DRC9: variants seen among roughly 807,000 people sequenced by gnomAD.
DRC9 encodes dynein regulatory complex subunit 9.
chr3:197,912,215 T>G, the DRC9 span, among the ~76,000 whole-genome samples: 1 of 151,670 alleles, frequency 6.6e-6, no homozygotes, highest in South Asian at 2.1e-4. Context: ...ATTTTTGTAT[T>G]TTTTAATAGA....
At chr3:197,921,696 T>A in the DRC9 span, among the ~76,000 whole-genome samples, 1 of 150,970 alleles carries the variant, frequency 6.6e-6, no homozygotes, top group Non-Finnish European at 1.5e-5. Flanking sequence ...CTACTGGTTT[T>A]CAGTAACTCT....
the DRC9 span, chr3:197,960,152 G>T: frequency 4.4e-6 from 6 of 1,358,706 alleles, no homozygotes; most frequent in Non-Finnish European, 5.0e-6. Context: ...CTTTCCGCCG[G>T]CTGGGCCCTC....
the DRC9 span, among the ~76,000 whole-genome samples, chr3:197,941,289 TCTTTC>T: frequency 8.6e-6 from 1 of 116,854 alleles, no homozygotes; most frequent in African/African-American, 3.6e-5. Flanking sequence ...TCTCTTCCTT[TCTTTC>T]TTTTCCTCCC....
chr3:197,892,837 T>A, the DRC9 span: 1 of 1,551,716 alleles, frequency 6.4e-7, no homozygotes, highest in Non-Finnish European at 8.8e-7. Context: ...CTTATACGAG[T>A]TTCAAGATTA....
At chr3:197,924,826 TA>T in the DRC9 span, among the ~76,000 whole-genome samples, 1 of 152,220 alleles carries the variant, frequency 6.6e-6, no homozygotes, top group Non-Finnish European at 1.5e-5. Flanking sequence ...CCATCCTCTG[TA>T]ACTTTCTAAA....
chr3:197,958,858 G>A, the DRC9 span: 5 of 152,228 alleles, frequency 3.3e-5, no homozygotes, highest in African/African-American at 1.2e-4. Flanking sequence ...GAGTCCTGTG[G>A]TTTACAGGAA....
chr3:197,943,953 C>G, the DRC9 span: 1 of 1,614,084 alleles, frequency 6.2e-7, no homozygotes, highest in African/African-American at 1.3e-5. Flanking sequence ...TTTAGGTATT[C>G]CTTCTTCTTC....
chr3:197,956,715 AACCT>A, the DRC9 span: 1 of 150,282 alleles, frequency 6.7e-6, no homozygotes, highest in South Asian at 2.1e-4. Context: ...CCTCAACCTC[AACCT>A]CCTCGGCTCA....
chr3:197,917,789 G>A, the DRC9 span, among the ~76,000 whole-genome samples: 1 of 151,354 alleles, frequency 6.6e-6, no homozygotes, highest in African/African-American at 2.4e-5. Flanking sequence ...GGAGTGCAGT[G>A]GTGCGATCTT....
At chr3:197,914,904 C>T in the DRC9 span, among the ~76,000 whole-genome samples, 1 of 152,078 alleles carries the variant, frequency 6.6e-6, no homozygotes, top group Non-Finnish European at 1.5e-5. Context: ...GGGCTCACGC[C>T]TGTAATCCCA....
the DRC9 span, chr3:197,892,483 C>T: frequency 3.1e-6 from 3 of 969,756 alleles, no homozygotes; most frequent in East Asian, 7.3e-5. Flanking sequence ...CTACTGTGGC[C>T]TATTTGCCAC....
At chr3:197,933,841 C>T in the DRC9 span, among the ~76,000 whole-genome samples, 5 of 150,118 alleles carry the variant, frequency 3.3e-5, no homozygotes, top group African/African-American at 7.3e-5. Context: ...GATGGAGACT[C>T]GCTCTGTTAC....
chr3:197,959,851 A>C, the DRC9 span: 1 of 229,946 alleles, frequency 4.3e-6, no homozygotes, highest in Non-Finnish European at 8.6e-6. Flanking sequence ...TCACCTTTTC[A>C]TACAGAGGAC....
At chr3:197,947,928 C>CTTTT in the DRC9 span, among the ~76,000 whole-genome samples, 84 of 96,790 alleles carry the variant, frequency 8.7e-4, no homozygotes, top group African/African-American at 1.4e-3. Context: ...CCTGCTTTAC[C>CTTTT]TTTTTTTTTT....
the DRC9 span, chr3:197,894,444 T>C: frequency 3.3e-5 from 5 of 152,176 alleles, no homozygotes; most frequent in Admixed American, 2.6e-4. Flanking sequence ...GGTATAAACA[T>C]TGACTAACTC....
At chr3:197,913,484 C>A in the DRC9 span, 1 of 321,700 alleles carries the variant, frequency 3.1e-6, no homozygotes, top group Middle Eastern at 1.0e-3. Flanking sequence ...GCTCTCGATG[C>A]TGTATTTCTT....
chr3:197,949,467 G>A, the DRC9 span: 7 of 152,142 alleles, frequency 4.6e-5, no homozygotes, highest in Non-Finnish European at 1.0e-4. Context: ...CCAAAAAGAA[G>A]AATGGAGGTA....
chr3:197,946,859 C>T, the DRC9 span, among the ~76,000 whole-genome samples: 1 of 151,926 alleles, frequency 6.6e-6, no homozygotes. Context: ...TTTTTCTCTT[C>T]TTGCCTAGGC....
the DRC9 span, among the ~76,000 whole-genome samples, chr3:197,934,102 A>AT: frequency 2.2e-5 from 3 of 133,666 alleles, no homozygotes; most frequent in Admixed American, 1.5e-4. Flanking sequence ...CTATTTATTT[A>AT]TTTTTTTACA....
Sources: gnomAD v4.1 joint callset for allele counts (sites outside exome capture counted in the v4.1 genomes callset) on GRCh38, gnomAD v4.1.1 for gene constraint, MANE v1.5 for transcripts, NCBI Gene and HGNC (gene_info 2026-07-23, HGNC 2026-07-21) for gene names.